UGT1A8: variants seen among roughly 807,000 people sequenced by gnomAD.
UGT1A8 encodes UDP glucuronosyltransferase family 1 member A8, also known as UDP-glucuronosyltransferase 1A8.
In UGT1A8, 39 loss-of-function variants were observed where a neutral mutation model predicts 45.3. The observed-to-expected ratio is 0.86, with a 90% CI of 0.67 to 1.12. UGT1A8 has a LOEUF of 1.12. Among genes scored for constraint, UGT1A8 ranks in the 50% most tolerant of loss-of-function variants. The probability of loss-of-function intolerance (pLI) is 0.00; values close to 1 mark genes in which losing one functional copy is unlikely to be tolerated. For missense variants in UGT1A8, 719 were observed against 664.9 expected (o/e 1.08, Z -0.90); for synonymous variants, 275 against 249.2 (o/e 1.10, Z -0.97).
intron 1 of UGT1A8, among the ~76,000 whole-genome samples, chr2:233,680,676 G>A (rs2074494293): frequency 3.3e-5 from 5 of 151,972 alleles, no homozygotes; most frequent in Admixed American, 3.3e-4. Context: ...TGGGTGCTGT[G>A]GAAGGAGGAT....
intron 1 of UGT1A8, among the ~76,000 whole-genome samples, chr2:233,744,198 G>A (rs1317214415): frequency 6.6e-6 from 1 of 151,870 alleles, no homozygotes; most frequent in Non-Finnish European, 1.5e-5. Flanking sequence ...CTCCAAAAAG[G>A]ATGGGAAAAA....
intron 1 of UGT1A8, chr2:233,729,523 C>T (rs753472390): frequency 6.2e-7 from 1 of 1,614,202 alleles, no homozygotes; most frequent in Non-Finnish European, 8.5e-7. Context: ...GGAGCTACTA[C>T]ATAATGAGGC....
chr2:233,632,186 T>C (rs1210230612), intron 1 of UGT1A8, among the ~76,000 whole-genome samples: 1 of 152,196 alleles, frequency 6.6e-6, no homozygotes, highest in Admixed American at 6.5e-5. Flanking sequence ...TCAGTTCCAT[T>C]GGTCTATATA....
chr2:233,650,525 T>C (rs1488652934), intron 1 of UGT1A8, among the ~76,000 whole-genome samples: 1 of 152,250 alleles, frequency 6.6e-6, no homozygotes, highest in Non-Finnish European at 1.5e-5. Flanking sequence ...GATGGTCTGC[T>C]GGTGTAGGCT....
At chr2:233,632,187 G>T (rs1355346248) in intron 1 of UGT1A8, among the ~76,000 whole-genome samples, 1 of 152,104 alleles carries the variant, frequency 6.6e-6, no homozygotes, top group Non-Finnish European at 1.5e-5. Context: ...CAGTTCCATT[G>T]GTCTATATAT....
chr2:233,723,771 G>A (rs1183544101), intron 1 of UGT1A8, among the ~76,000 whole-genome samples: 1 of 58,926 alleles, frequency 1.7e-5, no homozygotes, highest in Non-Finnish European at 2.9e-5. Flanking sequence ...GTTTAACAAA[G>A]CACATCTTGC....
At chr2:233,665,519 A>G (rs970706806) in intron 1 of UGT1A8, among the ~76,000 whole-genome samples, 9 of 152,184 alleles carry the variant, frequency 5.9e-5, no homozygotes, top group African/African-American at 2.2e-4. Flanking sequence ...CAGAAGCAAT[A>G]GGAATGAGGG....
intron 1 of UGT1A8, among the ~76,000 whole-genome samples, chr2:233,622,756 T>C (rs2073031769): frequency 6.6e-6 from 1 of 152,234 alleles, no homozygotes; most frequent in Non-Finnish European, 1.5e-5. Flanking sequence ...CAATTTTGGC[T>C]TTTGTTGCCA....
chr2:233,672,801 C>T (rs974007570), intron 1 of UGT1A8: 5 of 1,611,850 alleles, frequency 3.1e-6, no homozygotes, highest in Non-Finnish European at 4.2e-6. Context: ...TAAGTTATCT[C>T]TCCTTTAGCA....
chr2:233,652,749 G>A (rs2073769728), intron 1 of UGT1A8, among the ~76,000 whole-genome samples: 1 of 152,224 alleles, frequency 6.6e-6, no homozygotes, highest in Admixed American at 6.5e-5. Flanking sequence ...AGAGGTCGCT[G>A]AGACAGCTGC....
At position 233,763,627 on chromosome 2, in the gene UGT1A8, G is replaced by A. The variant is rs1698360678; in HGVS notation, c.856-3407G>A. Among the ~76,000 whole-genome samples, 2 of 152,126 alleles carry A rather than the reference G, an allele frequency of 1.3e-5. 1 individual carries two copies. Among genetic ancestry groups the A allele is most frequent in the Admixed American group, 1.3e-4 (2 of 15,272 alleles). ...CACTCTGCACTACCATTCCTCTTGT[G>A]TTGATGGTCCTATTCTCAATACTCT... On this transcript the variant is annotated intron_variant, in intron 1 of 4. Transcript: ENST00000373450.
chr2:233,678,215 T>C (rs2074412106), intron 1 of UGT1A8, among the ~76,000 whole-genome samples: 1 of 152,158 alleles, frequency 6.6e-6, no homozygotes, highest in African/African-American at 2.4e-5. Context: ...GGTACTATGC[T>C]CAGTACTTGG....
At chr2:233,672,546 G>A in intron 1 of UGT1A8, 1 of 1,613,920 alleles carries the variant, frequency 6.2e-7, no homozygotes, top group Non-Finnish European at 8.5e-7. Context: ...TGACTTTCAA[G>A]GAGAGAGTAC....
intron 1 of UGT1A8, among the ~76,000 whole-genome samples, chr2:233,724,579 G>A (rs1401328538): frequency 7.9e-6 from 1 of 126,878 alleles, no homozygotes; most frequent in Non-Finnish European, 1.6e-5. Context: ...GGGCAGAGGC[G>A]CTCCCCACAT....
At chr2:233,645,212 A>G (rs2073568086) in intron 1 of UGT1A8, among the ~76,000 whole-genome samples, 1 of 152,218 alleles carries the variant, frequency 6.6e-6, no homozygotes. Context: ...TTCACTATCA[A>G]GAGAACAGCA....
Position 233,648,661 on chromosome 2 carries a change from T to C in UGT1A8, c.855+30099T>C, listed in dbSNP as rs1321005532. Reference sequence around the variant, plus strand: ...TTGTATTTTTAGTGGAGACGGGGTTTCACCGTGTTAGCCAGGATGGTCTCG... The same window carrying C: ...TTGTATTTTTAGTGGAGACGGGGTTCCACCGTGTTAGCCAGGATGGTCTCG... On this transcript the variant is annotated intron_variant, in intron 1 of 4. Coordinates refer to ENST00000373450, the MANE Select transcript of UGT1A8 (RefSeq NM_019076.5). The C allele has an allele frequency of 2.2e-5, 6 of 277,194 alleles. No homozygotes were observed. The Admixed American group carries it at 2.5e-4, about 11-fold the overall frequency. The allele number at this position is 277,194 out of a possible 1,614,324, so 17.2% of individuals were successfully genotyped here.
intron 1 of UGT1A8, among the ~76,000 whole-genome samples, chr2:233,745,929 G>A (rs954070768): frequency 4.0e-5 from 6 of 151,604 alleles, no homozygotes; most frequent in African/African-American, 1.2e-4. Context: ...GATTCAGAAG[G>A]GACAGCTGGG....
At chr2:233,647,810 A>G in intron 1 of UGT1A8, 1 of 788,888 alleles carries the variant, frequency 1.3e-6, no homozygotes, top group Non-Finnish European at 1.9e-6. Context: ...TTATCAAGTT[A>G]ATTGATTTGC....
At chr2:233,701,472 C>T (rs1331226605) in intron 1 of UGT1A8, among the ~76,000 whole-genome samples, 3 of 152,248 alleles carry the variant, frequency 2.0e-5, no homozygotes, top group South Asian at 4.2e-4. Context: ...AGGAATTGAA[C>T]TCAGCTCTGC....
Sources: gnomAD v4.1 joint callset for allele counts (sites outside exome capture counted in the v4.1 genomes callset) on GRCh38, gnomAD v4.1.1 for gene constraint, MANE v1.5 for transcripts, NCBI Gene and HGNC (gene_info 2026-07-23, HGNC 2026-07-21) for gene names.